Variants in AFAP1L2 observed in about 807,000 individuals in gnomAD.
AFAP1L2 encodes the protein actin filament-associated protein 1-like 2.
In AFAP1L2, 46 loss-of-function variants were observed where a neutral mutation model predicts 99.3. That is an observed-to-expected ratio of 0.46 (90% CI 0.37 to 0.59). AFAP1L2 has a LOEUF of 0.59. AFAP1L2 is among the 20% of genes least tolerant of loss of function. The pLI, the probability that AFAP1L2 is intolerant of heterozygous loss-of-function variation, is 0.00. For missense variants in AFAP1L2, 959 were observed against 1,034.9 expected (o/e 0.93, Z 1.01); for synonymous variants, 397 against 419.1 (o/e 0.95, Z 0.64).
chr10:114,302,366 A>T lies in AFAP1L2; in HGVS notation c.1403T>A (p.Ile468Asn). The T allele has an allele frequency of 6.2e-7, 1 of 1,614,136 alleles. No individual in the cohort carries two copies. The highest frequency in any genetic ancestry group is 8.5e-7 in the Non-Finnish European group (1 of 1,180,018). ...DYVDADRVSC[I>N]VSAAKNSLLL... ...GAGAGAGTTTTTGGCCGCACTCACA[A>T]TACAGGAGACCCTATCGGCATCCAC... The change falls in exon 12 of 19, where the codon ATT becomes AAT. Residue 468 changes from isoleucine to asparagine, a missense_variant. Transcript: ENST00000304129.
At chr10:114,376,029 T>A (rs73369126) in intron 1 of AFAP1L2, among the ~76,000 whole-genome samples, 360 of 152,244 alleles carry the variant, frequency 2.4e-3, no homozygotes, top group African/African-American at 8.1e-3. Context: ...ACTCCAGTCC[T>A]CTAAGAGTCT....
chr10:114,301,077 C>T (rs752926050), intron 13 of AFAP1L2, among the ~76,000 whole-genome samples: 4 of 152,152 alleles, frequency 2.6e-5, no homozygotes, highest in Non-Finnish European at 4.4e-5. Context: ...CCTACTGGTA[C>T]CTCCACTCCC....
intron 1 of AFAP1L2, among the ~76,000 whole-genome samples, chr10:114,354,056 C>T (rs1462086334): frequency 6.6e-6 from 1 of 152,246 alleles, no homozygotes; most frequent in Non-Finnish European, 1.5e-5. Context: ...GGAGCACGAC[C>T]GCTGTGGAAA....
intron 1 of AFAP1L2, among the ~76,000 whole-genome samples, chr10:114,390,744 A>T (rs1006030439): frequency 1.7e-5 from 2 of 114,312 alleles, no homozygotes; most frequent in African/African-American, 6.1e-5. Flanking sequence ...AAAAAAAAAA[A>T]TCCTACCTTC....
intron 1 of AFAP1L2, among the ~76,000 whole-genome samples, chr10:114,348,186 C>G (rs987530987): frequency 6.6e-6 from 1 of 152,168 alleles, no homozygotes; most frequent in Non-Finnish European, 1.5e-5. Context: ...ATTCTACTTA[C>G]CCATTCATTG....
At chr10:114,384,212 G>A (rs2056163391) in intron 1 of AFAP1L2, among the ~76,000 whole-genome samples, 2 of 152,142 alleles carry the variant, frequency 1.3e-5, no homozygotes, top group Non-Finnish European at 2.9e-5. Flanking sequence ...GATTATTCAG[G>A]ACCTTTCTTG....
chr10:114,359,305 T>C (rs1430439155), intron 1 of AFAP1L2, among the ~76,000 whole-genome samples: 1 of 152,232 alleles, frequency 6.6e-6, no homozygotes, highest in Admixed American at 6.5e-5. Flanking sequence ...TTAAAATGAC[T>C]TTTGGTATTC....
At chr10:114,337,450 C>T (rs773010665) in intron 2 of AFAP1L2, among the ~76,000 whole-genome samples, 1 of 152,238 alleles carries the variant, frequency 6.6e-6, no homozygotes, top group Non-Finnish European at 1.5e-5. Flanking sequence ...TAAACAGTGG[C>T]TATTAACAAG....
the AFAP1L2 span, among the ~76,000 whole-genome samples, chr10:114,282,017 C>CTTTTTTTTT: frequency 2.5e-5 from 3 of 119,662 alleles, 1 homozygote. Context: ...CTTATGTTAC[C>CTTTTTTTTT]TTTTTTTTTT....
At chr10:114,380,855 A>G (rs1220863665) in intron 1 of AFAP1L2, among the ~76,000 whole-genome samples, 3 of 152,250 alleles carry the variant, frequency 2.0e-5, no homozygotes, top group African/African-American at 7.2e-5. Flanking sequence ...CATGACATAT[A>G]AGATTACAAA....
intron 12 of AFAP1L2, chr10:114,301,735 T>G: frequency 2.1e-6 from 1 of 481,156 alleles, no homozygotes; most frequent in East Asian, 3.5e-5. Flanking sequence ...CTTTGCCATC[T>G]TCTCCCCCAT....
chr10:114,298,382 A>T (rs1342476843), intron 16 of AFAP1L2, among the ~76,000 whole-genome samples: 2 of 151,970 alleles, frequency 1.3e-5, no homozygotes, highest in African/African-American at 2.4e-5. Context: ...TCTCAAAAAA[A>T]GAAAGCCAGT....
the AFAP1L2 span, chr10:114,286,531 C>T: frequency 6.6e-7 from 1 of 1,524,938 alleles, no homozygotes; most frequent in Admixed American, 2.0e-5. Context: ...CAGTGCCTGA[C>T]CCAGGACCGC....
rs146553896 is a variant in AFAP1L2, at chr10:114,341,839, C to T, written c.17-1108G>A. 9.2e-3 allele frequency among the ~76,000 whole-genome samples: 1,393 copies of T among 152,066 alleles called. 24 individuals are homozygous for T. The highest frequency in any genetic ancestry group is 0.032 in the African/African-American group (1,318 of 41,460). On this transcript the variant is annotated intron_variant, in intron 1 of 18. Coordinates refer to ENST00000304129, the MANE Select transcript of AFAP1L2 (RefSeq NM_001001936.3). ...CCCTGTGTTACCAGTGGTAGTTATC[C>T]GTATAGATCTGCAGCTACCTCAATT...
intron 1 of AFAP1L2, among the ~76,000 whole-genome samples, chr10:114,374,459 A>C (rs1379817917): frequency 1.3e-5 from 2 of 152,160 alleles, no homozygotes; most frequent in Non-Finnish European, 2.9e-5. Context: ...GAGCCTCTTC[A>C]TGGACACCCA....
chr10:114,355,256 C>CTTTTTT (rs35562783), intron 1 of AFAP1L2, among the ~76,000 whole-genome samples: 25 of 133,110 alleles, frequency 1.9e-4, no homozygotes, highest in African/African-American at 3.9e-4. Flanking sequence ...CTCGCTCTCT[C>CTTTTTT]TTTTTTTTTT....
At chr10:114,321,456 T>C (rs182438898) in intron 5 of AFAP1L2, among the ~76,000 whole-genome samples, 62 of 152,242 alleles carry the variant, frequency 4.1e-4, no homozygotes, top group African/African-American at 1.5e-3. Flanking sequence ...TCTGGCTGAG[T>C]AGTATTCTGT....
At chr10:114,402,331 C>T (rs867035057) in intron 1 of AFAP1L2, among the ~76,000 whole-genome samples, 4 of 152,188 alleles carry the variant, frequency 2.6e-5, no homozygotes, top group Non-Finnish European at 5.9e-5. Flanking sequence ...AACTTATCTG[C>T]CTCTCAGGAG....
chr10:114,315,483 C>T, intron 6 of AFAP1L2, 77 bp downstream of exon 6: 2 of 1,501,528 alleles, frequency 1.3e-6, no homozygotes, highest in Non-Finnish European at 1.8e-6. Context: ...CAGGGACCAT[C>T]CTGTCCCTCC....
Sources: allele counts gnomAD v4.1 joint callset (sites outside exome capture counted in the v4.1 genomes callset), GRCh38; gene constraint gnomAD v4.1.1; transcripts MANE v1.5; gene names NCBI Gene and HGNC (gene_info 2026-07-23, HGNC 2026-07-21).